SLCO1B3: variants seen among roughly 807,000 people sequenced by gnomAD.
SLCO1B3 encodes solute carrier organic anion transporter family member 1B3.
SLCO1B3 carries 72 observed loss-of-function variants against 71.8 expected under a neutral mutation model. The ratio of observed to expected loss-of-function variants is 1.00; its 90% CI spans 0.83 to 1.22. The LOEUF (loss-of-function observed/expected upper bound fraction) is 1.22, where lower values mean the gene tolerates loss of function less well. Among genes scored for constraint, SLCO1B3 ranks in the 50% most tolerant of loss-of-function variants. The pLI, the probability that SLCO1B3 is intolerant of heterozygous loss-of-function variation, is 0.00. For synonymous variants in SLCO1B3, 298 were observed against 278.4 expected (o/e 1.07, Z -0.70); for missense variants, 911 against 819.7 (o/e 1.11, Z -1.36).
intron 8 of SLCO1B3, among the ~76,000 whole-genome samples, chr12:20,869,618 G>A (rs1302864165): frequency 2.0e-5 from 3 of 152,078 alleles, no homozygotes; most frequent in African/African-American, 7.2e-5. Context: ...ATTTCACTTA[G>A]CACAATGTTG....
intron 8 of SLCO1B3, among the ~76,000 whole-genome samples, chr12:20,868,594 C>G (rs1206093314): frequency 6.6e-6 from 1 of 152,098 alleles, no homozygotes; most frequent in South Asian, 2.1e-4. Flanking sequence ...AGGGACCAGC[C>G]CCACAGATTT....
chr12:20,901,049 A>C (rs1255964508), intron 14 of SLCO1B3, among the ~76,000 whole-genome samples: 2 of 152,144 alleles, frequency 1.3e-5, no homozygotes, highest in African/African-American at 4.8e-5. Context: ...CCTTTTTACC[A>C]ATCAGACTTA....
At chr12:20,841,697 C>T (rs958992951) in intron 3 of SLCO1B3, among the ~76,000 whole-genome samples, 1 of 152,076 alleles carries the variant, frequency 6.6e-6, no homozygotes, top group South Asian at 2.1e-4. Flanking sequence ...TAGTTACCAA[C>T]AGGTACTTTT....
intron 4 of SLCO1B3, among the ~76,000 whole-genome samples, chr12:20,856,321 C>T (rs1332787099): frequency 6.6e-6 from 1 of 152,122 alleles, no homozygotes; most frequent in East Asian, 1.9e-4. Context: ...AGTATACCTT[C>T]ATGTATAGAT....
chr12:20,858,719 A>G (rs531895034), intron 5 of SLCO1B3, 148 bp downstream of exon 5: 1 of 649,184 alleles, frequency 1.5e-6, no homozygotes, highest in Non-Finnish European at 2.5e-6. Context: ...TTTCCTATAT[A>G]ATAGTTCATG....
At chr12:20,823,060 A>T (rs1270575561) in intron 3 of SLCO1B3, among the ~76,000 whole-genome samples, 4 of 152,144 alleles carry the variant, frequency 2.6e-5, no homozygotes, top group African/African-American at 9.7e-5. Flanking sequence ...GTGAAATCTT[A>T]TGTCCTGCAA....
At chr12:20,829,026 A>T (rs1214452430) in intron 3 of SLCO1B3, among the ~76,000 whole-genome samples, 1 of 152,144 alleles carries the variant, frequency 6.6e-6, no homozygotes, top group East Asian at 1.9e-4. Context: ...GCAGGAATTT[A>T]ATCAACTCAG....
At chr12:20,888,346 AT>A (rs886428317) in intron 13 of SLCO1B3, among the ~76,000 whole-genome samples, 3 of 151,260 alleles carry the variant, frequency 2.0e-5, no homozygotes, top group African/African-American at 7.3e-5. Context: ...ATGTTTTTCT[AT>A]TTTTTTTGTG....
chr12:20,854,985 T>A (rs373319183), intron 3 of SLCO1B3, 43 bp from the exon 4 acceptor site: 2 of 1,572,534 alleles, frequency 1.3e-6, no homozygotes, highest in Admixed American at 1.8e-5. Flanking sequence ...ATTATATAGT[T>A]CTTTGATTAA....
At chr12:20,821,672 G>A (rs1431343898) in intron 3 of SLCO1B3, among the ~76,000 whole-genome samples, 1 of 152,042 alleles carries the variant, frequency 6.6e-6, no homozygotes, top group Non-Finnish European at 1.5e-5. Context: ...CAGAGAAGGG[G>A]TAGAGACATG....
Position 20,862,437 on chromosome 12 carries a change from C to T in SLCO1B3, c.507C>T (p.His169=). The T allele has an allele frequency of 6.2e-7, 1 of 1,612,898 alleles. No homozygotes were observed. The highest frequency in any genetic ancestry group is 8.5e-7 in the Non-Finnish European group (1 of 1,179,404). Residue 169 remains histidine (H), a synonymous_variant, in exon 7 of 16, where the codon CAC becomes CAT. Transcript: ENST00000381545. The part of the protein sequence containing the change: ...EKDCVKESGS[H]MWIYVFMGNM... ...ATTGTGTAAAGGAATCTGGGTCACA[C>T]ATGTGGATCTATGTCTTCATGGGGA...
At chr12:20,907,260 A>T (rs1398361540) in intron 15 of SLCO1B3, among the ~76,000 whole-genome samples, 1 of 152,190 alleles carries the variant, frequency 6.6e-6, no homozygotes, top group South Asian at 2.1e-4. Flanking sequence ...ACTGTCTAAC[A>T]TCCCCAACAA....
intron 3 of SLCO1B3, among the ~76,000 whole-genome samples, chr12:20,817,258 A>T (rs1052529730): frequency 1.3e-5 from 2 of 152,132 alleles, no homozygotes; most frequent in Non-Finnish European, 2.9e-5. Context: ...TGGGGTAAGA[A>T]ATTTGCTCAA....
At chr12:20,824,255 T>C (rs1822115514) in intron 3 of SLCO1B3, among the ~76,000 whole-genome samples, 1 of 152,206 alleles carries the variant, frequency 6.6e-6, no homozygotes, top group Non-Finnish European at 1.5e-5. Flanking sequence ...CAAAATCTTA[T>C]ACAAGATTAT....
intron 3 of SLCO1B3, chr12:20,845,027 CAAAAAAAA>C: frequency 2.9e-4 from 55 of 189,350 alleles, no homozygotes; most frequent in South Asian, 9.0e-4. Flanking sequence ...AAGACTGTCT[CAAAAAAAA>C]AAAAAAAAAA....
At chr12:20,858,344 T>C in intron 4 of SLCO1B3, 95 bp from the exon 5 acceptor site, 2 of 817,378 alleles carry the variant, frequency 2.4e-6, no homozygotes, top group Non-Finnish European at 3.9e-6. Flanking sequence ...GAAGGTACAA[T>C]GTCTTGGGCA....
intron 13 of SLCO1B3, among the ~76,000 whole-genome samples, chr12:20,893,288 T>C (rs1291562185): frequency 1.3e-5 from 2 of 152,142 alleles, no homozygotes; most frequent in African/African-American, 4.8e-5. Context: ...ATCTATATGA[T>C]CTATATTTCC....
At chr12:20,822,567 G>A (rs900310392) in intron 3 of SLCO1B3, among the ~76,000 whole-genome samples, 5 of 152,268 alleles carry the variant, frequency 3.3e-5, no homozygotes, top group South Asian at 2.1e-4. Flanking sequence ...CGGCGTATAC[G>A]TGCAAGTCAC....
At position 20,906,443 on chromosome 12, in the gene SLCO1B3, C is replaced by T. The variant is rs563384163; in HGVS notation, c.1865+4976C>T. Among the ~76,000 whole-genome samples, 4 of 152,196 alleles carry T rather than the reference C, an allele frequency of 2.6e-5. No individual in the cohort carries two copies. The East Asian group carries it at 7.7e-4, about 29-fold the overall frequency. On this transcript the variant is annotated intron_variant, in intron 15 of 15. Coordinates refer to ENST00000381545, the MANE Select transcript of SLCO1B3 (RefSeq NM_019844.4). ...TTGGATCATGACATTATGCATTTGCCAAACCTATAGAACTTTACAACATAA... is the reference window on the plus strand; with the variant it reads ...TTGGATCATGACATTATGCATTTGCTAAACCTATAGAACTTTACAACATAA...
Sources: allele counts gnomAD v4.1 joint callset (sites outside exome capture counted in the v4.1 genomes callset), GRCh38; gene constraint gnomAD v4.1.1; transcripts MANE v1.5; gene names NCBI Gene and HGNC (gene_info 2026-07-23, HGNC 2026-07-21).